Variants in HIKESHI observed in about 807,000 individuals in gnomAD.
HIKESHI encodes protein Hikeshi.
A neutral mutation model predicts 25.7 loss-of-function variants in HIKESHI; 13 were observed. The observed-to-expected ratio is 0.51, with a 90% CI of 0.33 to 0.80. The LOEUF (loss-of-function observed/expected upper bound fraction) is 0.80. HIKESHI is among the 30% of genes least tolerant of loss of function. The pLI is 0.02. For synonymous variants in HIKESHI, 76 were observed against 78.7 expected, an observed-to-expected ratio of 0.97 and a Z score of 0.18; for missense variants, 174 against 229.5, an observed-to-expected ratio of 0.76 and a Z score of 1.56.
At chr11:86,339,902 C>A (rs981042013) in intron 3 of HIKESHI, among the ~76,000 whole-genome samples, 1 of 151,918 alleles carries the variant, frequency 6.6e-6, no homozygotes, top group East Asian at 1.9e-4. Context: ...CCCTGCCCCC[C>A]ACCCCAAGAC....
At position 86,306,481 on chromosome 11, in the gene HIKESHI, T is replaced by C; in HGVS notation, c.267T>C (p.Ser89=). 1.3e-6 allele frequency: 2 copies of C among 1,562,748 alleles called. No homozygotes were observed. Among genetic ancestry groups the C allele is most frequent in the Non-Finnish European group, 1.8e-6 (2 of 1,134,946 alleles). The stretch of plus-strand genomic sequence containing the variant: ...TCTTCAAAATTTCAGGTCTTAAATC[T>C]GGTAAGAATAATATATTAAAGTAGT... ...SAIFKISGLK[S]GEGSQHPFGA... is the part of the protein sequence containing the mutation. Residue 89 remains serine, a splice_region_variant and synonymous_variant, in exon 2 of 5, where the codon TCT becomes TCC. Coordinates refer to ENST00000278483, the MANE Select transcript of HIKESHI (RefSeq NM_016401.4).
chr11:86,316,661 CAG>C (rs1445319042), intron 2 of HIKESHI, among the ~76,000 whole-genome samples: 1 of 150,946 alleles, frequency 6.6e-6, no homozygotes, highest in African/African-American at 2.4e-5. Context: ...TAAATGTAAA[CAG>C]ATTAAACTTA....
At chr11:86,339,092 C>G (rs1044131109) in intron 3 of HIKESHI, among the ~76,000 whole-genome samples, 1 of 152,198 alleles carries the variant, frequency 6.6e-6, no homozygotes. Context: ...GTCGCCCAGG[C>G]TGGAGTGCAG....
chr11:86,316,092 C>A (rs1235688368), intron 2 of HIKESHI, among the ~76,000 whole-genome samples: 1 of 119,104 alleles, frequency 8.4e-6, no homozygotes, highest in Non-Finnish European at 1.6e-5. Flanking sequence ...CCAGATTGGG[C>A]AACATAGCAA....
In HIKESHI at chr11:86,345,658, A is replaced by T; in HGVS notation, c.*20A>T. 6.9e-7 allele frequency: 1 copy of T among 1,442,226 alleles called. No homozygotes were observed. The highest frequency in any genetic ancestry group is 9.6e-7 in the Non-Finnish European group (1 of 1,044,096). 89.3% of individuals were successfully genotyped at this position (1,442,226 alleles called of 1,614,324 possible). On this transcript the variant is annotated 3_prime_UTR_variant, in exon 5 of 5. Coordinates refer to ENST00000278483, the MANE Select transcript of HIKESHI (RefSeq NM_016401.4). ...ACATAATTTGAATAAAATAATTTTT[A>T]ATGGATTCTGAAATTTGTCATGTTT... is the stretch of plus-strand genomic sequence containing the variant.
intron 2 of HIKESHI, 74 bp downstream of exon 2, chr11:86,306,556 C>G: frequency 1.2e-6 from 1 of 845,950 alleles, no homozygotes; most frequent in Non-Finnish European, 1.8e-6. Context: ...TGGAATATGA[C>G]TTTTCCCCCT....
At chr11:86,317,955 A>G (rs868427138) in intron 2 of HIKESHI, among the ~76,000 whole-genome samples, 11 of 152,112 alleles carry the variant, frequency 7.2e-5, no homozygotes, top group African/African-American at 2.4e-4. Context: ...AAAATTGGCT[A>G]TTTTCTAGAA....
chr11:86,328,025 A>G (rs577378551), intron 2 of HIKESHI, among the ~76,000 whole-genome samples: 84 of 152,330 alleles, frequency 5.5e-4, no homozygotes, highest in African/African-American at 1.9e-3. Flanking sequence ...TGAAAAACTA[A>G]TAGAGCATAT....
At chr11:86,324,454 T>G (rs989811501) in intron 2 of HIKESHI, 1 of 152,210 alleles carries the variant, frequency 6.6e-6, no homozygotes, top group African/African-American at 2.4e-5. Flanking sequence ...TAAAGCAACT[T>G]AATATATTTA....
intron 3 of HIKESHI, among the ~76,000 whole-genome samples, chr11:86,340,660 T>C (rs975936965): frequency 6.6e-6 from 1 of 152,216 alleles, no homozygotes; most frequent in Non-Finnish European, 1.5e-5. Flanking sequence ...CAAATAGTTT[T>C]TTTGAGATGG....
intron 2 of HIKESHI, among the ~76,000 whole-genome samples, chr11:86,322,536 G>A (rs1473560226): frequency 6.6e-6 from 1 of 151,976 alleles, no homozygotes; most frequent in Non-Finnish European, 1.5e-5. Flanking sequence ...TTCCCAGTCT[G>A]TTGCTGTTCT....
At chr11:86,336,152 A>G (rs1947552656) in intron 2 of HIKESHI, among the ~76,000 whole-genome samples, 1 of 152,224 alleles carries the variant, frequency 6.6e-6, no homozygotes, top group Admixed American at 6.5e-5. Flanking sequence ...AGAAGAAAGA[A>G]TCAGTGAAGT....
At chr11:86,315,399 C>T (rs1378010106) in intron 2 of HIKESHI, among the ~76,000 whole-genome samples, 1 of 152,002 alleles carries the variant, frequency 6.6e-6, no homozygotes, top group East Asian at 1.9e-4. Flanking sequence ...CAGCTCACCA[C>T]AACCTCCGCC....
intron 2 of HIKESHI, among the ~76,000 whole-genome samples, chr11:86,309,968 G>T (rs1384213263): frequency 6.6e-6 from 1 of 151,268 alleles, no homozygotes; most frequent in East Asian, 1.9e-4. Context: ...GGTTACTGTA[G>T]CCTTGTAGTA....
At chr11:86,328,434 G>GTTTTTTTT (rs533776972) in intron 2 of HIKESHI, among the ~76,000 whole-genome samples, 1 of 133,030 alleles carries the variant, frequency 7.5e-6, no homozygotes, top group Non-Finnish European at 1.6e-5. Context: ...AATGTTTTTT[G>GTTTTTTTT]TTTTTTTTTT....
chr11:86,316,679 G>A (rs1946988087), intron 2 of HIKESHI, among the ~76,000 whole-genome samples: 1 of 145,758 alleles, frequency 6.9e-6, no homozygotes, highest in African/African-American at 2.6e-5. Flanking sequence ...ACTTACCAGA[G>A]AAAACAGAGA....
intron 2 of HIKESHI, among the ~76,000 whole-genome samples, chr11:86,319,306 C>T (rs984363472): frequency 9.8e-5 from 14 of 142,138 alleles, no homozygotes; most frequent in South Asian, 6.6e-4. Flanking sequence ...AGCAAGATTT[C>T]AGCTCACTGC....
At chr11:86,312,946 TC>T (rs1329081917) in intron 2 of HIKESHI, among the ~76,000 whole-genome samples, 1 of 152,220 alleles carries the variant, frequency 6.6e-6, no homozygotes, top group African/African-American at 2.4e-5. Flanking sequence ...GAGATGGGCT[TC>T]CCTTTGTGGG....
At chr11:86,336,806 A>T (rs1424665494) in intron 2 of HIKESHI, among the ~76,000 whole-genome samples, 1 of 152,210 alleles carries the variant, frequency 6.6e-6, no homozygotes, top group African/African-American at 2.4e-5. Flanking sequence ...AAAGGTAAAG[A>T]GAGAATGTTG....
Sources: allele counts gnomAD v4.1 joint callset (sites outside exome capture counted in the v4.1 genomes callset), GRCh38; gene constraint gnomAD v4.1.1; transcripts MANE v1.5; gene names NCBI Gene and HGNC (gene_info 2026-07-23, HGNC 2026-07-21).